Variants in NXT1 observed in about 807,000 individuals in gnomAD.
NXT1 encodes the protein NTF2-related export protein 1.
A neutral mutation model predicts 9.9 loss-of-function variants in NXT1; 3 were observed. The ratio of observed to expected loss-of-function variants is 0.30; its 90% confidence interval spans 0.14 to 0.79. The LOEUF is 0.79. NXT1 is among the 30% of genes least tolerant of loss of function. NXT1 has a pLI of 0.63. For synonymous variants in NXT1, 53 were observed against 66.5 expected (o/e 0.80, Z 0.99); for missense variants, 91 against 178.2 (o/e 0.51, Z 2.79).
chr20:23,354,720 T>A lies in NXT1; in HGVS notation c.*256T>A. 2.1e-6 allele frequency: 1 copy of A among 479,130 alleles called. No individual in the cohort carries two copies. The highest frequency in any genetic ancestry group is 3.3e-5 in the South Asian group (1 of 30,448). 29.7% of individuals were successfully genotyped at this position (479,130 alleles called of 1,614,324 possible). A position where few individuals can be genotyped will look rare whatever the true frequency, so the allele number is the denominator to read the frequency against. ...ATTTTTCTACTTGCCCAGTAGAGACTCTGATTCTGGAAATTCTGACAAATA... is the reference window on the plus strand; with the variant it reads ...ATTTTTCTACTTGCCCAGTAGAGACACTGATTCTGGAAATTCTGACAAATA... On this transcript the variant is annotated 3_prime_UTR_variant, in exon 2 of 2. Transcript: ENST00000254998.
Position 23,354,360 on chromosome 20 carries a change from C to T in NXT1, c.319C>T (p.Arg107Trp), listed in dbSNP as rs1980350516. The T allele has an allele frequency of 1.9e-6, 3 of 1,614,168 alleles. No homozygotes were observed. Among genetic ancestry groups the T allele is most frequent in the Non-Finnish European group, 2.5e-6 (3 of 1,180,026 alleles). ...GSVKFEGNKQRDFNQNFILTA... is the reference protein window; with the variant it reads ...GSVKFEGNKQWDFNQNFILTA... ...AGTGAAGTTTGAGGGGAACAAACAACGGGACTTCAACCAGAACTTCATCCT... is the reference window on the plus strand; with the variant it reads ...AGTGAAGTTTGAGGGGAACAAACAATGGGACTTCAACCAGAACTTCATCCT... Residue 107 changes from arginine to tryptophan, a missense_variant, in exon 2 of 2, where the codon CGG becomes TGG. Coordinates refer to ENST00000254998, the MANE Select transcript of NXT1 (RefSeq NM_013248.3).
At chr20:23,353,940 T>C in intron 1 of NXT1, 41 bp from the exon 2 acceptor site, 1 of 1,110,990 alleles carries the variant, frequency 9.0e-7, no homozygotes, top group Non-Finnish European at 1.3e-6. Context: ...GAATGAACTT[T>C]GGCATTCACG....
In NXT1 at chr20:23,354,132, C is replaced by A. The variant is rs747429249; in HGVS notation, c.91C>A (p.Arg31=). The change falls in exon 2 of 2, where the codon CGG becomes AGG. Residue 31 remains arginine, a synonymous_variant. Transcript: ENST00000254998. ...TGTCTACTACACCACCATGGATAAG[C>A]GGCGGCGTTTGCTGTCCCGCCTGTA... is the stretch of plus-strand genomic sequence containing the variant. ...VNVYYTTMDK[R]RRLLSRLYMG... The A allele has an allele frequency of 1.2e-6, 2 of 1,614,130 alleles. No homozygotes were observed. The highest frequency in any genetic ancestry group is 8.5e-7 in the Non-Finnish European group (1 of 1,180,042).
chr20:23,352,288 C>T (rs942122663), intron 1 of NXT1, among the ~76,000 whole-genome samples: 19 of 152,280 alleles, frequency 1.2e-4, no homozygotes, highest in African/African-American at 4.1e-4. Context: ...TACCGAGGGA[C>T]CACTGTACTC....
Position 23,354,616 on chromosome 20 carries a change from T to G in NXT1, c.*152T>G. ...TGTGCCGAGGTTGAACTCTTTTTTGTTGCTCAAGTTCTAGGAGTCCCTTTC... is the reference window on the plus strand; with the variant it reads ...TGTGCCGAGGTTGAACTCTTTTTTGGTGCTCAAGTTCTAGGAGTCCCTTTC... On this transcript the variant is annotated 3_prime_UTR_variant, in exon 2 of 2. Transcript: ENST00000254998. The G allele has an allele frequency of 1.2e-6, 1 of 825,540 alleles. No homozygotes were observed. The highest frequency in any genetic ancestry group is 1.9e-6 in the Non-Finnish European group (1 of 532,766). 51.1% of individuals were successfully genotyped at this position (825,540 alleles called of 1,614,324 possible).
chr20:23,354,225 T>C lies in NXT1; in HGVS notation c.184T>C (p.Phe62Leu), dbSNP rs1382275677. 1 of 1,614,242 alleles carries C rather than the reference T, an allele frequency of 6.2e-7. No individual in the cohort carries two copies. Among genetic ancestry groups the C allele is most frequent in the Non-Finnish European group, 8.5e-7 (1 of 1,180,046 alleles). Residue 62 changes from phenylalanine (F) to leucine (L), a missense_variant, in exon 2 of 2, where the codon TTT becomes CTT. Physicochemically the swap from Phe to Leu is conservative, Grantham distance 22. Coordinates refer to ENST00000254998, the MANE Select transcript of NXT1 (RefSeq NM_013248.3). ...AGGACAAGAATCCTTGAGTGAGTTTTTTGAAATGTTGCCTTCCAGCGAGTT... is the reference window on the plus strand; with the variant it reads ...AGGACAAGAATCCTTGAGTGAGTTTCTTGAAATGTTGCCTTCCAGCGAGTT... ...VSGQESLSEF[F>L]EMLPSSEFQI...
At chr20:23,352,833 T>G (rs772895885) in intron 1 of NXT1, among the ~76,000 whole-genome samples, 3 of 152,206 alleles carry the variant, frequency 2.0e-5, no homozygotes, top group African/African-American at 7.2e-5. Flanking sequence ...ACAGGACTTA[T>G]CTGGTGGATG....
chr20:23,354,175 T>C lies in NXT1; in HGVS notation c.134T>C (p.Leu45Pro). Residue 45 changes from leucine (L) to proline (P), a missense_variant, in exon 2 of 2, where the codon CTG becomes CCG. Leu to Pro is a moderately conservative substitution (Grantham distance 98). Coordinates refer to ENST00000254998, the MANE Select transcript of NXT1 (RefSeq NM_013248.3). ...CGCCTGTACATGGGCACAGCCACCC[T>C]GGTCTGGAATGGCAATGCTGTTTCA... ...LSRLYMGTAT[L>P]VWNGNAVSGQ... 6.2e-7 allele frequency: 1 copy of C among 1,614,254 alleles called. No individual in the cohort carries two copies. The highest frequency in any genetic ancestry group is 8.5e-7 in the Non-Finnish European group (1 of 1,180,048).
chr20:23,353,407 G>A (rs1980325957), intron 1 of NXT1, among the ~76,000 whole-genome samples: 1 of 152,222 alleles, frequency 6.6e-6, no homozygotes, highest in South Asian at 2.1e-4. Context: ...ATCACCTGAG[G>A]TCAGGAGTTT....
chr20:23,353,860 A>C lies in NXT1; in HGVS notation c.-61-121A>C. On this transcript the variant is annotated intron_variant, in intron 1 of 1. Coordinates refer to ENST00000254998, the MANE Select transcript of NXT1 (RefSeq NM_013248.3). ...GGCATTGGGTACTATTTGAGCCTAC[A>C]GTCATTGTTCTGCAGTCTGTAACTA... The C allele has an allele frequency of 4.8e-6, 3 of 628,654 alleles. No homozygotes were observed. The South Asian group carries it at 6.0e-5, about 12-fold the overall frequency. 38.9% of individuals were successfully genotyped at this position (628,654 alleles called of 1,614,324 possible). A position where few individuals can be genotyped will look rare whatever the true frequency, so the allele number is the denominator to read the frequency against.
At chr20:23,351,970 G>C (rs1045231452) in intron 1 of NXT1, among the ~76,000 whole-genome samples, 1 of 152,168 alleles carries the variant, frequency 6.6e-6, no homozygotes, top group Non-Finnish European at 1.5e-5. Context: ...CTTCTTAGTC[G>C]TGGGTTCCGC....
intron 1 of NXT1, among the ~76,000 whole-genome samples, chr20:23,352,570 T>C (rs1336328652): frequency 6.6e-6 from 1 of 152,184 alleles, no homozygotes; most frequent in Non-Finnish European, 1.5e-5. Flanking sequence ...AGTTTGTAAG[T>C]ATAAACTATT....
chr20:23,353,949 C>A, intron 1 of NXT1, 32 bp from the exon 2 acceptor site: 1 of 1,257,902 alleles, frequency 7.9e-7, no homozygotes, highest in Non-Finnish European at 1.1e-6. Flanking sequence ...TTGGCATTCA[C>A]GTGGCTTCTC....
intron 1 of NXT1, among the ~76,000 whole-genome samples, chr20:23,353,121 A>G (rs1980317775): frequency 6.6e-6 from 1 of 152,218 alleles, no homozygotes; most frequent in Non-Finnish European, 1.5e-5. Flanking sequence ...AACATGGTCC[A>G]CTGTCTTTAC....
chr20:23,350,917 G>T lies in NXT1; in HGVS notation c.-206G>T, dbSNP rs1980240632. The T allele has an allele frequency of 6.6e-6, 1 of 152,168 alleles. No individual in the cohort carries two copies. The highest frequency in any genetic ancestry group is 1.5e-5 in the Non-Finnish European group (1 of 68,070). 9.4% of individuals were successfully genotyped at this position (152,168 alleles called of 1,614,324 possible). On this transcript the variant is annotated 5_prime_UTR_variant, in exon 1 of 2. Coordinates refer to ENST00000254998, the MANE Select transcript of NXT1 (RefSeq NM_013248.3). Reference sequence around the variant, plus strand: ...GAAGGAGGAGGAGGAGAGAAAGGCGGCTCTTCCCGTGCCCCTACCAGAGGC... The same window carrying T: ...GAAGGAGGAGGAGGAGAGAAAGGCGTCTCTTCCCGTGCCCCTACCAGAGGC...
intron 1 of NXT1, among the ~76,000 whole-genome samples, chr20:23,353,086 T>G (rs1053419760): frequency 1.3e-5 from 2 of 152,236 alleles, no homozygotes; most frequent in African/African-American, 2.4e-5. Flanking sequence ...TGGCCTTTAT[T>G]GGGCCAGTGA....
At chr20:23,352,610 CTCT>C (rs1313490211) in intron 1 of NXT1, among the ~76,000 whole-genome samples, 1 of 150,156 alleles carries the variant, frequency 6.7e-6, no homozygotes. Flanking sequence ...TAGTAATGTC[CTCT>C]TTTTTTTAAG....
chr20:23,354,254 A>C lies in NXT1; in HGVS notation c.213A>C (p.Gln71His). ...FFEMLPSSEF[Q>H]ISVVDCQPVH... ...AAATGTTGCCTTCCAGCGAGTTCCAAATCAGCGTGGTAGACTGCCAGCCTG... is the reference window on the plus strand; with the variant it reads ...AAATGTTGCCTTCCAGCGAGTTCCACATCAGCGTGGTAGACTGCCAGCCTG... The change falls in exon 2 of 2, where the codon CAA (glutamine) becomes CAC (histidine). Residue 71 changes from glutamine to histidine, a missense_variant. By Grantham distance (24) the Gln-to-His change is conservative (BLOSUM62 0). Coordinates refer to ENST00000254998, the MANE Select transcript of NXT1 (RefSeq NM_013248.3). 3 of 1,614,166 alleles carry C rather than the reference A, an allele frequency of 1.9e-6. No individual in the cohort carries two copies. Among genetic ancestry groups the C allele is most frequent in the Non-Finnish European group, 2.5e-6 (3 of 1,180,038 alleles).
At chr20:23,352,540 TG>T (rs1367232837) in intron 1 of NXT1, among the ~76,000 whole-genome samples, 3 of 146,420 alleles carry the variant, frequency 2.0e-5, no homozygotes, top group Admixed American at 6.6e-5. Context: ...TTTTTTGAAA[TG>T]AAAAAAAACT....
Sources: allele counts gnomAD v4.1 joint callset (sites outside exome capture counted in the v4.1 genomes callset), GRCh38; gene constraint gnomAD v4.1.1; transcripts MANE v1.5; gene names NCBI Gene and HGNC (gene_info 2026-07-23, HGNC 2026-07-21).